The following NR1H3 variants were observed in gnomAD, a reference collection of about 807,000 sequenced individuals.
The protein encoded by NR1H3 is oxysterols receptor LXR-alpha.
Under a neutral mutation model 48.1 loss-of-function variants are expected in NR1H3, and 19 were observed. The observed-to-expected ratio is 0.40, with a 90% confidence interval of 0.28 to 0.58. The LOEUF (loss-of-function observed/expected upper bound fraction) is 0.58. NR1H3 is among the 20% of genes least tolerant of loss of function. The probability of loss-of-function intolerance (pLI) is 0.50; values close to 1 mark genes in which losing one functional copy is unlikely to be tolerated. For synonymous variants in NR1H3, 232 were observed against 227.3 expected, an observed-to-expected ratio of 1.02 and a Z score of -0.19; for missense variants, 486 against 595.9, an observed-to-expected ratio of 0.82 and a Z score of 1.92.
intron 7 of NR1H3, among the ~76,000 whole-genome samples, chr11:47,264,667 G>GCAC (rs1166637238): frequency 6.6e-6 from 1 of 152,182 alleles, no homozygotes; most frequent in African/African-American, 2.4e-5. Context: ...GTAGACTCAT[G>GCAC]CTATCTGAAT....
At chr11:47,259,071 G>A in intron 1 of NR1H3, 109 bp from the exon 2 acceptor site, 2 of 1,554,422 alleles carry the variant, frequency 1.3e-6, no homozygotes, top group South Asian at 2.4e-5. Flanking sequence ...GCAAGTAAAT[G>A]TTAGCTGATA....
chr11:47,255,573 CTTTCTTTCTTTCTT>C (rs1955036067), upstream of NR1H3, among the ~76,000 whole-genome samples: 2 of 86,048 alleles, frequency 2.3e-5, no homozygotes, highest in Admixed American at 1.2e-4. Context: ...TTCTTTCTTT[CTTTCTTTCTTTCTT>C]TCTTTCTTTC....
chr11:47,248,977 C>T (rs1954368039), exon 1 of NR1H3: 1 of 1,515,168 alleles, frequency 6.6e-7, no homozygotes, highest in Non-Finnish European at 8.8e-7. Flanking sequence ...CGTGGTCTGG[C>T]TGTGGCGGAG....
intron 6 of NR1H3, 21 bp from the exon 7 acceptor site, chr11:47,261,898 A>G: frequency 6.2e-7 from 1 of 1,610,850 alleles, no homozygotes. Flanking sequence ...TCCCCGTTTG[A>G]GGTTTGCTGC....
chr11:47,259,765 C>G (rs1420075348), intron 2 of NR1H3, 26 bp from the exon 3 acceptor site: 1 of 1,611,688 alleles, frequency 6.2e-7, no homozygotes, highest in South Asian at 1.1e-5. Flanking sequence ...CCTGAGACCC[C>G]CTTGTGCCTC....
At chr11:47,248,875 A>C (rs1487823307), upstream of NR1H3, 7 of 1,549,486 alleles carry the variant, frequency 4.5e-6, no homozygotes, top group African/African-American at 1.4e-5. Flanking sequence ...GTAAGGACAC[A>C]CGCCGGAAGT....
chr11:47,260,036 G>A, intron 3 of NR1H3, 57 bp downstream of exon 3: 1 of 1,400,982 alleles, frequency 7.1e-7, no homozygotes, highest in Non-Finnish European at 9.5e-7. Flanking sequence ...TCCTGGATCT[G>A]GAAGAGGTTC....
At chr11:47,257,973 T>C, upstream of NR1H3, 11 of 985,746 alleles carry the variant, frequency 1.1e-5, no homozygotes, top group Non-Finnish European at 1.3e-5. Flanking sequence ...TTTCCCCAAA[T>C]TGCTACTTCT....
intron 1 of NR1H3, chr11:47,249,084 A>G: frequency 7.6e-7 from 1 of 1,309,112 alleles, no homozygotes; most frequent in Non-Finnish European, 1.0e-6. Flanking sequence ...CTCTGCTCGG[A>G]GAAATCCCTT....
upstream of NR1H3, chr11:47,248,864 C>T (rs889584166): frequency 1.9e-5 from 29 of 1,550,916 alleles, no homozygotes; most frequent in Admixed American, 4.3e-4. Context: ...CGGACGCACC[C>T]GTAAGGACAC....
Position 47,268,896 on chromosome 11 carries a change from T to C in NR1H3, c.*200T>C. The stretch of plus-strand genomic sequence containing the variant: ...TGGAGCCCTCGCTAACACTGTGCTG[T>C]GTCTGAAGATCATGCTGACCCCACA... On this transcript the variant is annotated 3_prime_UTR_variant, in exon 10 of 10. Transcript: ENST00000441012. 1 of 627,352 alleles carries C rather than the reference T, an allele frequency of 1.6e-6. No homozygotes were observed. Among genetic ancestry groups the C allele is most frequent in the Non-Finnish European group, 2.7e-6 (1 of 370,724 alleles). The allele number at this position is 627,352 out of a possible 1,614,324, so 38.9% of individuals were successfully genotyped here. A position where few individuals can be genotyped will look rare whatever the true frequency, so the allele number is the denominator to read the frequency against.
chr11:47,265,562 A>G (rs1313572266), intron 7 of NR1H3, among the ~76,000 whole-genome samples: 1 of 152,178 alleles, frequency 6.6e-6, no homozygotes, highest in African/African-American at 2.4e-5. Context: ...CAGCAGGAAG[A>G]CTGTTTCCAA....
chr11:47,268,216 G>A (rs1213796712), intron 8 of NR1H3, 45 bp from the exon 9 acceptor site: 2 of 1,577,280 alleles, frequency 1.3e-6, no homozygotes, highest in Non-Finnish European at 1.7e-6. Context: ...GTATGGAACT[G>A]GACCCTGGCC....
upstream of NR1H3, chr11:47,257,483 C>A: frequency 5.1e-6 from 1 of 198,006 alleles, no homozygotes; most frequent in Non-Finnish European, 9.1e-6. Context: ...CTCTCTCCAC[C>A]CCTGGATTTC....
At chr11:47,265,809 T>G (rs1367702369) in intron 7 of NR1H3, among the ~76,000 whole-genome samples, 1 of 152,208 alleles carries the variant, frequency 6.6e-6, no homozygotes, top group Non-Finnish European at 1.5e-5. Context: ...GAGGCAGAGC[T>G]TGCAGTGAGC....
Position 47,260,564 on chromosome 11 carries a change from G to A in NR1H3, c.388G>A (p.Ala130Thr), listed in dbSNP as rs1352683469. The A allele has an allele frequency of 3.7e-6, 6 of 1,614,124 alleles. No homozygotes were observed. The highest frequency in any genetic ancestry group is 5.1e-6 in the Non-Finnish European group (6 of 1,180,064). ...GFFRRSVIKGAHYICHSGGHC... is the reference protein window; with the variant it reads ...GFFRRSVIKGTHYICHSGGHC... ...CTTCCGCCGCAGCGTCATCAAGGGAGCGCACTACATCTGCCACAGTGGCGG... is the reference window on the plus strand; with the variant it reads ...CTTCCGCCGCAGCGTCATCAAGGGAACGCACTACATCTGCCACAGTGGCGG... Residue 130 changes from alanine (A) to threonine (T), a missense_variant, in exon 4 of 10, where the codon GCG (alanine) becomes ACG (threonine). Transcript: ENST00000441012.
At position 47,260,657 on chromosome 11, in the gene NR1H3, G is replaced by T; in HGVS notation, c.481G>T (p.Ala161Ser). 7 of 1,602,296 alleles carry T rather than the reference G, an allele frequency of 4.4e-6. No homozygotes were observed. The highest frequency in any genetic ancestry group is 5.1e-6 in the Non-Finnish European group (6 of 1,177,536). The stretch of plus-strand genomic sequence containing the variant: ...GTGTCGGCTTCGCAAATGCCGTCAG[G>T]CTGGCATGCGGGAGGAGTGTGAGTT... ...QECRLRKCRQ[A>S]GMREECVLSE... The change falls in exon 4 of 10, where the codon GCT (alanine) becomes TCT (serine). Residue 161 changes from alanine (A) to serine (S), a missense_variant. Ala to Ser is a moderately conservative substitution (Grantham distance 99). Transcript: ENST00000441012.
chr11:47,257,626 G>A (rs1955311455), upstream of NR1H3: 1 of 984,540 alleles, frequency 1.0e-6, no homozygotes, highest in Non-Finnish European at 1.2e-6. Context: ...TGGGACCTTT[G>A]CTCCACGAGG....
upstream of NR1H3, among the ~76,000 whole-genome samples, chr11:47,253,135 G>A (rs1260752481): frequency 6.1e-5 from 4 of 65,578 alleles, no homozygotes; most frequent in Admixed American, 5.6e-4. Context: ...ATTTTTGTGC[G>A]TGTGTGTGTT....
Sources: allele counts gnomAD v4.1 joint callset (sites outside exome capture counted in the v4.1 genomes callset), GRCh38; gene constraint gnomAD v4.1.1; transcripts MANE v1.5; gene names NCBI Gene and HGNC (gene_info 2026-07-23, HGNC 2026-07-21).